The following ANK2 variants were observed in gnomAD, a reference collection of about 807,000 sequenced individuals.
ANK2 encodes the protein ankyrin 2.
Under a neutral mutation model 360.5 loss-of-function variants are expected in ANK2, and 83 were observed. The ratio of observed to expected loss-of-function variants is 0.23; its 90% CI spans 0.19 to 0.28. The LOEUF is 0.28. Among genes scored for constraint, ANK2 ranks in the 10% least tolerant of loss-of-function variants. The pLI is 1.00. For missense variants in ANK2, 4,201 were observed against 4,795.7 expected, an observed-to-expected ratio of 0.88 and a Z score of 3.66; for synonymous variants, 1,740 against 1,759.5, an observed-to-expected ratio of 0.99 and a Z score of 0.28.
chr4:113,234,160 C>T (rs2099352617), intron 5 of ANK2, among the ~76,000 whole-genome samples: 1 of 152,146 alleles, frequency 6.6e-6, no homozygotes, highest in Admixed American at 6.5e-5. Context: ...GCTGGCATTC[C>T]CAGCTGTCTC....
the ANK2 span, among the ~76,000 whole-genome samples, chr4:112,753,599 G>A: frequency 4.6e-5 from 7 of 152,252 alleles, no homozygotes; most frequent in African/African-American, 1.7e-4. Flanking sequence ...CATAAAGACC[G>A]TGCTGATAAA....
chr4:112,839,990 C>T (rs1011117301), intron 1 of ANK2, among the ~76,000 whole-genome samples: 5 of 152,156 alleles, frequency 3.3e-5, no homozygotes, highest in Non-Finnish European at 4.4e-5. Context: ...TCCATTCATT[C>T]GATAATAATT....
chr4:113,317,830 A>G (rs1588081312), intron 25 of ANK2, 21 bp downstream of exon 25: 1 of 1,586,912 alleles, frequency 6.3e-7, no homozygotes, highest in Non-Finnish European at 8.7e-7. Context: ...TTTTGCCTTC[A>G]TGTCTTTGCT....
At chr4:112,726,212 TAGGAG>T in the ANK2 span, among the ~76,000 whole-genome samples, 1 of 152,112 alleles carries the variant, frequency 6.6e-6, no homozygotes, top group Admixed American at 6.6e-5. Context: ...TCAAACATGA[TAGGAG>T]AGGAGAGTGG....
chr4:112,752,636 C>T, the ANK2 span, among the ~76,000 whole-genome samples: 1 of 151,256 alleles, frequency 6.6e-6, no homozygotes, highest in African/African-American at 2.4e-5. Flanking sequence ...TCCTAAAGTG[C>T]TGGGATCACA....
the ANK2 span, among the ~76,000 whole-genome samples, chr4:112,783,270 A>G: frequency 6.6e-6 from 1 of 152,222 alleles, no homozygotes; most frequent in Non-Finnish European, 1.5e-5. Context: ...ATGTGAACAC[A>G]TGTGTATTCA....
the ANK2 span, among the ~76,000 whole-genome samples, chr4:112,745,624 C>T: frequency 1.3e-5 from 2 of 150,492 alleles, no homozygotes; most frequent in Non-Finnish European, 2.9e-5. Context: ...ACCTCCACCT[C>T]CTAGGTTCAA....
chr4:112,748,243 A>G, the ANK2 span, among the ~76,000 whole-genome samples: 37 of 152,332 alleles, frequency 2.4e-4, no homozygotes, highest in African/African-American at 8.9e-4. Context: ...CATGCTTACC[A>G]TGTAATAATG....
intron 2 of ANK2, among the ~76,000 whole-genome samples, chr4:112,905,371 C>T (rs770042043): frequency 1.3e-5 from 2 of 151,892 alleles, no homozygotes; most frequent in African/African-American, 4.8e-5. Flanking sequence ...TGCCAGAATG[C>T]CAAAAGAGGA....
At chr4:112,709,437 C>T in the ANK2 span, among the ~76,000 whole-genome samples, 2 of 152,134 alleles carry the variant, frequency 1.3e-5, no homozygotes, top group South Asian at 2.1e-4. Flanking sequence ...TGCGTACTTA[C>T]TGAGATTATG....
the ANK2 span, among the ~76,000 whole-genome samples, chr4:112,744,433 G>A: frequency 5.4e-5 from 8 of 147,694 alleles, no homozygotes; most frequent in East Asian, 2.0e-4. Context: ...TGTAGCCCCC[G>A]CCTCCCGGGT....
intron 4 of ANK2, among the ~76,000 whole-genome samples, chr4:113,216,294 A>G (rs1220984502): frequency 1.3e-5 from 2 of 152,254 alleles, no homozygotes. Flanking sequence ...CAGCAACCTC[A>G]GACAATAAAC....
chr4:113,277,918 G>A lies in ANK2; in HGVS notation c.1765G>A (p.Ala589Thr), dbSNP rs1288246947. The change falls in exon 16 of 46, where the codon GCA becomes ACA. Residue 589 changes from alanine (A) to threonine (T), a missense_variant. This residue lies in a region of ANK2 where 1,268 missense variants were observed against 1,650.8 expected (regional missense o/e 0.77). Coordinates refer to ENST00000357077, the MANE Select transcript of ANK2 (RefSeq NM_001148.6). ...ACTTCTCTTGCAACGCCGTGCTGCC[G>A]CAGATTCTGCAGGGAAGGTAAAGAT... ...AKLLLQRRAAADSAGKNGLTP... is the reference protein window; with the variant it reads ...AKLLLQRRAATDSAGKNGLTP... 3.1e-6 allele frequency: 5 copies of A among 1,613,486 alleles called. No homozygotes were observed. Among genetic ancestry groups the A allele is most frequent in the Non-Finnish European group, 3.4e-6 (4 of 1,179,520 alleles).
chr4:112,912,903 T>A (rs186554486), intron 2 of ANK2, among the ~76,000 whole-genome samples: 21 of 152,198 alleles, frequency 1.4e-4, no homozygotes, highest in Non-Finnish European at 1.5e-5. Flanking sequence ...TAGAAATGAC[T>A]ACATCTAGGA....
In ANK2 at chr4:112,914,972, A is replaced by G. The variant is rs2089231203; in HGVS notation, c.21+10458A>G. On this transcript the variant is annotated intron_variant, in intron 2 of 30. Coordinates refer to the ANK2 transcript ENST00000503271. ...TGCAGCAAAGGCTGATATAATAGCA[A>G]GTGACGGCTGCCTCTGGGGCTGAGT... Among the ~76,000 whole-genome samples, 3 of 152,248 alleles carry G rather than the reference A, an allele frequency of 2.0e-5. No homozygotes were observed. In the South Asian group the frequency reaches 6.2e-4, roughly 32 times the overall value.
At chr4:113,035,534 T>C (rs150951010) in intron 2 of ANK2, among the ~76,000 whole-genome samples, 2 of 152,092 alleles carry the variant, frequency 1.3e-5, no homozygotes, top group East Asian at 3.9e-4. Flanking sequence ...TGTATTTTGA[T>C]TTATCTATCT....
chr4:112,833,597 G>A (rs1008148816), intron 1 of ANK2, among the ~76,000 whole-genome samples: 5 of 151,012 alleles, frequency 3.3e-5, no homozygotes, highest in Non-Finnish European at 5.9e-5. Context: ...TCCGCCTCCC[G>A]GGTTCACGCC....
intron 17 of ANK2, 133 bp from the exon 18 acceptor site, chr4:113,282,542 A>G (rs1563401018): frequency 2.3e-6 from 2 of 876,084 alleles, no homozygotes; most frequent in Non-Finnish European, 3.6e-6. Flanking sequence ...GTGATGAGTA[A>G]GAGTTTGGAT....
intron 1 of ANK2, among the ~76,000 whole-genome samples, chr4:113,063,162 G>T (rs951528819): frequency 4.1e-5 from 6 of 147,908 alleles, no homozygotes; most frequent in African/African-American, 1.5e-4. Flanking sequence ...GTGTGTATTT[G>T]AGCCAAATAT....
Sources: gnomAD v4.1 joint callset for allele counts (sites outside exome capture counted in the v4.1 genomes callset) on GRCh38, gnomAD v4.1.1 for gene constraint, gnomAD v4.1.1 regional missense constraint, MANE v1.5 for transcripts, NCBI Gene and HGNC (gene_info 2026-07-23, HGNC 2026-07-21) for gene names.